TOM1: variants seen among roughly 807,000 people sequenced by gnomAD.
TOM1 encodes the protein target of Myb protein 1.
A neutral mutation model predicts 61.3 loss-of-function variants in TOM1; 38 were observed. That is an observed-to-expected ratio of 0.62 (90% CI 0.48 to 0.81). TOM1 has a LOEUF of 0.81. Among genes scored for constraint, TOM1 ranks in the 40% least tolerant of loss-of-function variants. The pLI is 0.00. For missense variants in TOM1, 591 were observed against 659.6 expected (o/e 0.90, Z 1.14); for synonymous variants, 270 against 268.8 (o/e 1.00, Z -0.04).
At chr22:35,320,687 T>C (rs1349453785) in intron 2 of TOM1, among the ~76,000 whole-genome samples, 3 of 152,106 alleles carry the variant, frequency 2.0e-5, no homozygotes, top group Non-Finnish European at 2.9e-5. Context: ...CCTCTGCTCT[T>C]TTTCCAGGAC....
intron 1 of TOM1, among the ~76,000 whole-genome samples, chr22:35,306,154 T>C (rs202189786): frequency 1.9e-4 from 28 of 148,332 alleles, no homozygotes; most frequent in East Asian, 7.9e-4. Context: ...CTTTTTTTTT[T>C]CCCAACTATT....
chr22:35,333,552 C>A, intron 10 of TOM1, 55 bp downstream of exon 10: 1 of 1,545,656 alleles, frequency 6.5e-7, no homozygotes, highest in Non-Finnish European at 8.9e-7. Context: ...CTGTGGGCAC[C>A]CCTGCAGATT....
Position 35,334,338 on chromosome 22 carries a change from C to A in TOM1, c.1038C>A (p.Ser346=). ...TTTCTGTCCCTGCAGACCTGGGCTC[C>A]AGCAGTGTGAGAGCTGGCCTGCAGT... The part of the protein sequence containing the change: ...SSQLAGMNLG[S]SSVRAGLQSL... Residue 346 remains serine (S), a synonymous_variant, in exon 11 of 15, where the codon TCC becomes TCA. Transcript: ENST00000449058. 1 of 1,613,726 alleles carries A rather than the reference C, an allele frequency of 6.2e-7. No homozygotes were observed. Among genetic ancestry groups the A allele is most frequent in the Non-Finnish European group, 8.5e-7 (1 of 1,179,744 alleles).
intron 6 of TOM1, among the ~76,000 whole-genome samples, chr22:35,326,460 C>G (rs948867468): frequency 2.0e-5 from 3 of 152,194 alleles, no homozygotes; most frequent in African/African-American, 4.8e-5. Context: ...TCCTTGGAAC[C>G]CTTTGACCAT....
rs148331922 is a variant in TOM1 at position 35,321,406 on chromosome 22, T to C, written c.138-553T>C. Among the ~76,000 whole-genome samples the C allele has an allele frequency of 6.2e-4, 94 of 151,188 alleles. No individual in the cohort carries two copies. In the East Asian group the frequency reaches 0.015, roughly 24 times the overall value. On this transcript the variant is annotated intron_variant, in intron 2 of 14. Coordinates refer to ENST00000449058, the MANE Select transcript of TOM1 (RefSeq NM_005488.3). Reference sequence around the variant, plus strand: ...TCTCACTCTGTCGCCCAGGCTGGAGTACAGTGGCGCAATCTCGGCTCTCAC... The same window carrying C: ...TCTCACTCTGTCGCCCAGGCTGGAGCACAGTGGCGCAATCTCGGCTCTCAC...
At chr22:35,318,481 C>A (rs1927499914) in intron 2 of TOM1, among the ~76,000 whole-genome samples, 1 of 152,254 alleles carries the variant, frequency 6.6e-6, no homozygotes, top group Admixed American at 6.5e-5. Context: ...CCGGGCGTTT[C>A]TGGTGTTGGG....
Position 35,322,075 on chromosome 22 carries a change from G to A in TOM1, c.216+38G>A, listed in dbSNP as rs375466877. ...TCTGTCTGTCCTGTGGCAGGACTAC[G>A]GTCCACTGAAAGTCACCTCCCCTCA... On this transcript the variant is annotated intron_variant, in intron 3 of 14. Transcript: ENST00000449058. 682 of 1,595,234 alleles carry A rather than the reference G, an allele frequency of 4.3e-4. 1 individual carries two copies. Among genetic ancestry groups the A allele is most frequent in the Admixed American group, 1.4e-3 (83 of 59,940 alleles).
intron 1 of TOM1, among the ~76,000 whole-genome samples, chr22:35,303,233 A>T (rs1926010661): frequency 6.6e-6 from 1 of 151,966 alleles, no homozygotes; most frequent in African/African-American, 2.4e-5. Context: ...TTCAAAGTAC[A>T]GGGCATCATC....
At chr22:35,306,129 A>G (rs1460520184) in intron 1 of TOM1, among the ~76,000 whole-genome samples, 1 of 145,056 alleles carries the variant, frequency 6.9e-6, no homozygotes. Context: ...ATCATGAAAT[A>G]TTATTCTTCT....
chr22:35,342,509 C>T (rs1256453925), intron 12 of TOM1, among the ~76,000 whole-genome samples: 1 of 152,036 alleles, frequency 6.6e-6, no homozygotes, highest in African/African-American at 2.4e-5. Flanking sequence ...GACCATCTGA[C>T]AGCCGCCTGC....
chr22:35,321,807 G>T (rs755284759), intron 2 of TOM1, 152 bp from the exon 3 acceptor site: 4 of 768,896 alleles, frequency 5.2e-6, no homozygotes, highest in Non-Finnish European at 7.1e-6. Context: ...GGGCTAGGAA[G>T]ATTCTGATGT....
chr22:35,333,189 G>GCCA, intron 9 of TOM1, 175 bp downstream of exon 9: 1 of 820,798 alleles, frequency 1.2e-6, no homozygotes, highest in Non-Finnish European at 2.0e-6. Context: ...ATAAGGCTGT[G>GCCA]CCACCACCTG....
At chr22:35,344,858 C>T (rs969151370) in intron 12 of TOM1, 1 of 152,336 alleles carries the variant, frequency 6.6e-6, no homozygotes, top group African/African-American at 2.4e-5. Flanking sequence ...ATTTCATCCT[C>T]ACAGCCACCT....
At chr22:35,301,496 G>A (rs896479664) in intron 1 of TOM1, among the ~76,000 whole-genome samples, 15 of 152,102 alleles carry the variant, frequency 9.9e-5, no homozygotes, top group Admixed American at 3.9e-4. Flanking sequence ...TGGGTGTTCC[G>A]CATTCTTGCA....
chr22:35,299,437 A>G (rs1348681180), upstream of TOM1: 2 of 154,120 alleles, frequency 1.3e-5, no homozygotes, highest in Non-Finnish European at 1.5e-5. Context: ...CTTGACATCA[A>G]ACAGGAAGAG....
At chr22:35,302,628 G>A (rs1347235107) in intron 1 of TOM1, among the ~76,000 whole-genome samples, 1 of 152,086 alleles carries the variant, frequency 6.6e-6, no homozygotes, top group Non-Finnish European at 1.5e-5. Flanking sequence ...ACCGTGTCCG[G>A]CCTAGAATGT....
At chr22:35,343,099 CATACA>C (rs1930047935) in intron 12 of TOM1, among the ~76,000 whole-genome samples, 1 of 136,136 alleles carries the variant, frequency 7.3e-6, no homozygotes, top group Admixed American at 7.4e-5. Flanking sequence ...CCTACACACC[CATACA>C]CCACACACAC....
chr22:35,335,316 G>A (rs1367077914), intron 11 of TOM1, among the ~76,000 whole-genome samples: 1 of 152,160 alleles, frequency 6.6e-6, no homozygotes, highest in Non-Finnish European at 1.5e-5. Context: ...TTGTCAATGG[G>A]CCTCCAGAGA....
At chr22:35,310,626 C>CAATG (rs1328164052) in intron 1 of TOM1, among the ~76,000 whole-genome samples, 1 of 152,198 alleles carries the variant, frequency 6.6e-6, no homozygotes, top group Non-Finnish European at 1.5e-5. Context: ...AGTAAGGGAT[C>CAATG]AATGAGTGCC....
Sources: gnomAD v4.1 joint callset for allele counts (sites outside exome capture counted in the v4.1 genomes callset) on GRCh38, gnomAD v4.1.1 for gene constraint, MANE v1.5 for transcripts, NCBI Gene and HGNC (gene_info 2026-07-23, HGNC 2026-07-21) for gene names.